COL25A1: variants seen among roughly 807,000 people sequenced by gnomAD.
The protein encoded by COL25A1 is collagen type XXV alpha 1 chain.
Under a neutral mutation model 128.4 loss-of-function variants are expected in COL25A1, and 103 were observed. That is an observed-to-expected ratio of 0.80 (90% CI 0.68 to 0.94). The LOEUF is 0.94. COL25A1 is among the 40% of genes least tolerant of loss of function. COL25A1 has a pLI of 0.00. For missense variants in COL25A1, 745 were observed against 840.0 expected, an observed-to-expected ratio of 0.89 and a Z score of 1.40; for synonymous variants, 279 against 277.2, an observed-to-expected ratio of 1.01 and a Z score of -0.06.
intron 13 of COL25A1, 130 bp downstream of exon 13, chr4:108,918,042 T>A: frequency 2.2e-6 from 1 of 459,396 alleles, no homozygotes; most frequent in East Asian, 3.5e-5. Flanking sequence ...GTAGCACAAT[T>A]TTCCTGTATT....
chr4:109,274,591 A>G (rs1250694690), intron 3 of COL25A1, among the ~76,000 whole-genome samples: 1 of 152,220 alleles, frequency 6.6e-6, no homozygotes, highest in East Asian at 1.9e-4. Flanking sequence ...AAAATGCTAA[A>G]AATTATCTTG....
At chr4:109,058,545 A>G (rs1217495638) in intron 3 of COL25A1, among the ~76,000 whole-genome samples, 1 of 152,256 alleles carries the variant, frequency 6.6e-6, no homozygotes, top group African/African-American at 2.4e-5. Context: ...CAGAAAAAAA[A>G]TAAGATCAAA....
At chr4:109,107,148 A>T (rs1289465555) in intron 3 of COL25A1, among the ~76,000 whole-genome samples, 1 of 152,162 alleles carries the variant, frequency 6.6e-6, no homozygotes, top group Non-Finnish European at 1.5e-5. Context: ...TTCAGTATCC[A>T]CCATAAGTTC....
intron 3 of COL25A1, among the ~76,000 whole-genome samples, chr4:109,071,567 T>C (rs12650158): frequency 0.12 from 17,585 of 152,002 alleles, 1,308 homozygotes; most frequent in African/African-American, 0.21. Flanking sequence ...GGGCTTATAT[T>C]CAGAATCTAC....
In COL25A1 at chr4:109,032,926, C is replaced by T. The variant is rs763094256; in HGVS notation, c.420+15242G>A. ...GGTCTGCGTCCCGCCTGGAGCATGG[C>T]TGACTAGCCATCCCTGAAATTGTAT... On this transcript the variant is annotated intron_variant, in intron 5 of 37. Coordinates refer to ENST00000399132, the MANE Select transcript of COL25A1 (RefSeq NM_198721.4). Among the ~76,000 whole-genome samples, 13 of 152,322 alleles carry T rather than the reference C, an allele frequency of 8.5e-5. 1 individual carries two copies. In the Middle Eastern group the frequency reaches 0.017, roughly 199 times the overall value.
In COL25A1 at chr4:109,168,779, C is replaced by T. The variant is rs1276089725; in HGVS notation, c.368-118600G>A. Among the ~76,000 whole-genome samples, 5 of 152,168 alleles carry T rather than the reference C, an allele frequency of 3.3e-5. No individual in the cohort carries two copies. In the East Asian group the frequency reaches 9.6e-4, roughly 29 times the overall value. On this transcript the variant is annotated intron_variant, in intron 3 of 37. Transcript: ENST00000399132. ...AATTGGATTCAGAAAGTATTATAGG[C>T]ATCTAAATCCTAAGACTTATCCTAG...
chr4:108,953,553 A>C (rs997092946), intron 8 of COL25A1, among the ~76,000 whole-genome samples: 1 of 152,164 alleles, frequency 6.6e-6, no homozygotes, highest in African/African-American at 2.4e-5. Flanking sequence ...TTTAAGACAA[A>C]AGGAAGTGGG....
At chr4:109,298,768 G>A (rs1278765055) in intron 3 of COL25A1, among the ~76,000 whole-genome samples, 1 of 152,112 alleles carries the variant, frequency 6.6e-6, no homozygotes, top group Non-Finnish European at 1.5e-5. Flanking sequence ...CTGCATATTA[G>A]AATGCACACC....
chr4:109,102,159 C>G (rs1311190821), intron 3 of COL25A1, among the ~76,000 whole-genome samples: 2 of 152,058 alleles, frequency 1.3e-5, no homozygotes, highest in East Asian at 3.9e-4. Context: ...ATGTTTGAAA[C>G]TCAACTTTTT....
chr4:108,858,908 G>T (rs924420899), intron 24 of COL25A1, among the ~76,000 whole-genome samples: 1 of 152,108 alleles, frequency 6.6e-6, no homozygotes, highest in African/African-American at 2.4e-5. Flanking sequence ...AATGTCAGGG[G>T]CGATGAGTCC....
At chr4:108,898,985 A>ATATATCTC (rs144167011) in intron 15 of COL25A1, among the ~76,000 whole-genome samples, 169 bp downstream of exon 15, 78,413 of 146,238 alleles carry the variant, frequency 0.54, 21,724 homozygotes, top group East Asian at 0.93. Context: ...ATCTATATCT[A>ATATATCTC]TATATCTATA....
intron 6 of COL25A1, among the ~76,000 whole-genome samples, chr4:108,995,231 G>T (rs911571825): frequency 2.6e-5 from 4 of 152,220 alleles, no homozygotes; most frequent in African/African-American, 9.6e-5. Context: ...CAAAAGGTTA[G>T]ATGAATGGCT....
intron 5 of COL25A1, among the ~76,000 whole-genome samples, chr4:109,029,144 C>T (rs918693865): frequency 6.6e-6 from 1 of 151,992 alleles, no homozygotes; most frequent in Admixed American, 6.6e-5. Context: ...ATTTTGAGGA[C>T]AAAAGATATT....
In COL25A1 at chr4:109,210,048, C is replaced by T. The variant is rs559668157; in HGVS notation, c.367+90535G>A. Among the ~76,000 whole-genome samples, 123 of 147,642 alleles carry T rather than the reference C, an allele frequency of 8.3e-4. 1 individual carries two copies. Among genetic ancestry groups the T allele is most frequent in the Non-Finnish European group, 1.6e-3 (105 of 67,160 alleles). On this transcript the variant is annotated intron_variant, in intron 3 of 37. Coordinates refer to ENST00000399132, the MANE Select transcript of COL25A1 (RefSeq NM_198721.4). ...CCTGGGTGACAGAGTGAGACTTCAT[C>T]TCAAAAAAAAAAAAAAGTAAACATC...
chr4:108,937,842 C>A lies in COL25A1; in HGVS notation c.674G>T (p.Gly225Val), dbSNP rs1419341357. 6.2e-7 allele frequency: 1 copy of A among 1,604,364 alleles called. No individual in the cohort carries two copies. Among genetic ancestry groups the A allele is most frequent in the South Asian group, 1.1e-5 (1 of 88,730 alleles). Residue 225 changes from glycine to valine, a missense_variant and splice_region_variant, in exon 11 of 38, where the codon GGT (glycine) becomes GTT (valine). This residue lies in a region of COL25A1 where 319 missense variants were observed against 324.9 expected (regional missense o/e 0.98). Coordinates refer to ENST00000399132, the MANE Select transcript of COL25A1 (RefSeq NM_198721.4). Reference protein sequence around the residue: ...DGPRGMPGVPGEPGKPGEQGL... With the variant: ...DGPRGMPGVPVEPGKPGEQGL... ...TTGTTCTCCTGGCTTTCCTGGTTCACCCTTAAAAAAGAATAGTGATAATTT... is the reference window on the plus strand; with the variant it reads ...TTGTTCTCCTGGCTTTCCTGGTTCAACCTTAAAAAAGAATAGTGATAATTT...
intron 3 of COL25A1, among the ~76,000 whole-genome samples, chr4:109,128,980 C>A (rs895937185): frequency 6.6e-6 from 1 of 152,148 alleles, no homozygotes; most frequent in Non-Finnish European, 1.5e-5. Flanking sequence ...AACACAGATT[C>A]GCAGGCTGGA....
At chr4:108,937,185 G>A (rs1466938674) in intron 11 of COL25A1, among the ~76,000 whole-genome samples, 1 of 152,068 alleles carries the variant, frequency 6.6e-6, no homozygotes, top group Non-Finnish European at 1.5e-5. Context: ...CAGACAGGAG[G>A]GGACAGGAAG....
At chr4:109,145,405 G>A (rs1169786892) in intron 3 of COL25A1, among the ~76,000 whole-genome samples, 1 of 152,160 alleles carries the variant, frequency 6.6e-6, no homozygotes, top group Non-Finnish European at 1.5e-5. Flanking sequence ...GCCACATTCT[G>A]TGAAGTTCAA....
At chr4:109,057,087 T>C (rs1366789073) in intron 3 of COL25A1, among the ~76,000 whole-genome samples, 2 of 152,112 alleles carry the variant, frequency 1.3e-5, no homozygotes, top group Admixed American at 1.3e-4. Context: ...CTCAAACTCC[T>C]GGCCTTAAGC....
Sources: gnomAD v4.1 joint callset for allele counts (sites outside exome capture counted in the v4.1 genomes callset) on GRCh38, gnomAD v4.1.1 for gene constraint, gnomAD v4.1.1 regional missense constraint, MANE v1.5 for transcripts, NCBI Gene and HGNC (gene_info 2026-07-23, HGNC 2026-07-21) for gene names.